The following ROBO2 variants were observed in gnomAD, a reference collection of about 807,000 sequenced individuals.
ROBO2 encodes roundabout homolog 2.
In ROBO2, 53 loss-of-function variants were observed where a neutral mutation model predicts 160.8. That is an observed-to-expected ratio of 0.33 (90% CI 0.26 to 0.41). The LOEUF is 0.41. Ranked by LOEUF, ROBO2 falls within the 10% of genes least tolerant of loss-of-function variation. The probability of loss-of-function intolerance (pLI) is 1.00; values close to 1 mark genes in which losing one functional copy is unlikely to be tolerated. For synonymous variants in ROBO2, 664 were observed against 611.7 expected, an observed-to-expected ratio of 1.09 and a Z score of -1.26; for missense variants, 1,577 against 1,722.4, an observed-to-expected ratio of 0.92 and a Z score of 1.49.
intron 2 of ROBO2, among the ~76,000 whole-genome samples, chr3:76,504,257 C>T (rs1048820810): frequency 6.6e-6 from 1 of 152,184 alleles, no homozygotes; most frequent in African/African-American, 2.4e-5. Context: ...CAGTTGTACA[C>T]TTTCATGAGT....
chr3:76,568,611 G>A (rs573012965), intron 2 of ROBO2, among the ~76,000 whole-genome samples: 1 of 152,066 alleles, frequency 6.6e-6, no homozygotes, highest in Non-Finnish European at 1.5e-5. Context: ...TGGCCACATT[G>A]CTTTTCTTAA....
Position 76,555,253 on chromosome 3 carries a change from AG to A in ROBO2, c.110-542758del, listed in dbSNP as rs200184850. On this transcript the variant is annotated intron_variant, in intron 2 of 26. Coordinates refer to the ROBO2 transcript ENST00000487694. Reference sequence around the variant, plus strand: ...AGCATTTTTTAATAATAACATGTGCAGGGATCATAAATTATCCAAAGTTAGA... The same window carrying A: ...AGCATTTTTTAATAATAACATGTGCAGGATCATAAATTATCCAAAGTTAGA... Among the ~76,000 whole-genome samples the A allele has an allele frequency of 2.6e-3, 397 of 151,944 alleles. 4 individuals carry two copies. In the East Asian group the frequency reaches 0.045, roughly 17 times the overall value.
chr3:76,386,895 G>A (rs2076918292), intron 2 of ROBO2, among the ~76,000 whole-genome samples: 1 of 152,126 alleles, frequency 6.6e-6, no homozygotes, highest in Non-Finnish European at 1.5e-5. Context: ...GAGGTTATGA[G>A]TACTAGAATA....
chr3:77,332,449 C>A (rs2153443559), intron 2 of ROBO2, among the ~76,000 whole-genome samples: 1 of 152,216 alleles, frequency 6.6e-6, no homozygotes, highest in East Asian at 1.9e-4. Flanking sequence ...TCTGGAAATG[C>A]ACTTTGTAGA....
At chr3:77,565,248 C>T (rs2093445781) in intron 12 of ROBO2, 128 bp downstream of exon 13, 3 of 1,094,380 alleles carry the variant, frequency 2.7e-6, no homozygotes, top group Non-Finnish European at 4.2e-6. Context: ...AGGCTTTATC[C>T]AGGGAAGGAG....
In ROBO2 at chr3:76,323,266, T is replaced by C. The variant is rs532841030; in HGVS notation, c.109+385664T>C. Among the ~76,000 whole-genome samples the C allele has an allele frequency of 6.0e-4, 91 of 152,226 alleles. 1 individual carries two copies. Among genetic ancestry groups the C allele is most frequent in the South Asian group, 2.3e-3 (11 of 4,832 alleles). On this transcript the variant is annotated intron_variant, in intron 2 of 26. Coordinates refer to the ROBO2 transcript ENST00000487694. ...TTCCAAGTATAATCTTATTTAATCCTGTGTCTCTATATTAAGCACTACTTT... is the reference window on the plus strand; with the variant it reads ...TTCCAAGTATAATCTTATTTAATCCCGTGTCTCTATATTAAGCACTACTTT...
rs184145843 is a variant in ROBO2 at position 76,197,921 on chromosome 3, A to G, written c.109+260319A>G. Reference sequence around the variant, plus strand: ...CAATATAAGTATCCTGGTTTTACCTATGATGACCACTGCAGTTTTGACTTC... The same window carrying G: ...CAATATAAGTATCCTGGTTTTACCTGTGATGACCACTGCAGTTTTGACTTC... On this transcript the variant is annotated intron_variant, in intron 2 of 26. Transcript: ENST00000487694. Among the ~76,000 whole-genome samples, 112 of 152,328 alleles carry G rather than the reference A, an allele frequency of 7.4e-4. 2 individuals carry two copies. Among genetic ancestry groups the G allele is most frequent in the Admixed American group, 2.4e-3 (36 of 15,286 alleles).
intron 2 of ROBO2, among the ~76,000 whole-genome samples, chr3:76,382,872 G>A (rs2076706037): frequency 6.6e-6 from 1 of 152,156 alleles, no homozygotes; most frequent in Non-Finnish European, 1.5e-5. Context: ...TTCAAGGGTG[G>A]TTCAGCTTCT....
intron 2 of ROBO2, among the ~76,000 whole-genome samples, chr3:76,426,419 G>C (rs911944958): frequency 1.3e-5 from 2 of 152,096 alleles, no homozygotes; most frequent in Non-Finnish European, 2.9e-5. Context: ...TGGAAATATG[G>C]AAAGAATACA....
At chr3:76,950,435 T>C (rs2078888658) in intron 2 of ROBO2, among the ~76,000 whole-genome samples, 1 of 152,210 alleles carries the variant, frequency 6.6e-6, no homozygotes. Flanking sequence ...TCTAGGACAG[T>C]CATTCTTATT....
chr3:76,525,589 T>G (rs2107968398), intron 2 of ROBO2, among the ~76,000 whole-genome samples: 1 of 152,126 alleles, frequency 6.6e-6, no homozygotes, highest in South Asian at 2.1e-4. Flanking sequence ...CTTGAAATGT[T>G]TTCTCAACCA....
At chr3:76,434,787 C>T in intron 2 of ROBO2, 1 of 1,317,078 alleles carries the variant, frequency 7.6e-7, no homozygotes, top group Non-Finnish European at 1.1e-6. Flanking sequence ...GCAGATTAAT[C>T]AGGGGGAGAG....
At chr3:77,054,729 A>G (rs2065552082) in intron 1 of ROBO2, among the ~76,000 whole-genome samples, 1 of 152,144 alleles carries the variant, frequency 6.6e-6, no homozygotes, top group African/African-American at 2.4e-5. Context: ...AGAAGTAAAA[A>G]CAAGTTAAGA....
At chr3:77,209,464 A>G (rs968273312) in intron 2 of ROBO2, among the ~76,000 whole-genome samples, 1 of 152,208 alleles carries the variant, frequency 6.6e-6, no homozygotes, top group African/African-American at 2.4e-5. Flanking sequence ...AATGGCAATA[A>G]ACATAATTCA....
At chr3:77,457,558 A>T (rs142499680) in intron 2 of ROBO2, among the ~76,000 whole-genome samples, 1 of 152,126 alleles carries the variant, frequency 6.6e-6, no homozygotes, top group Admixed American at 6.5e-5. Context: ...CTTGATCGGT[A>T]TTATATTAGA....
At chr3:77,328,705 T>A (rs182536398) in intron 2 of ROBO2, among the ~76,000 whole-genome samples, 4 of 152,280 alleles carry the variant, frequency 2.6e-5, no homozygotes, top group Admixed American at 2.6e-4. Flanking sequence ...CCTGTTAATG[T>A]TTCACAACAC....
chr3:76,292,971 T>C (rs1324163490), intron 2 of ROBO2, among the ~76,000 whole-genome samples: 2 of 151,992 alleles, frequency 1.3e-5, no homozygotes, highest in Non-Finnish European at 2.9e-5. Context: ...GGGTTTTTTT[T>C]TTTTTAAATA....
chr3:77,588,973 A>G (rs1458078818), intron 17 of ROBO2, 40 bp downstream of exon 18: 1 of 1,605,802 alleles, frequency 6.2e-7, no homozygotes, highest in South Asian at 1.1e-5. Flanking sequence ...TCTTGTCTGT[A>G]GGAATGTAAT....
rs139015781 is a variant in ROBO2, at chr3:77,571,062, T to C, written c.1971+2628T>C. On this transcript the variant is annotated intron_variant, in intron 13 of 25. Coordinates refer to ENST00000461745, the Ensembl canonical transcript of ROBO2. ...CAATAAGTCACTTACCGAAAAATGATTATTCTAGCTTTACTTTTTGTCTTT... is the reference window on the plus strand; with the variant it reads ...CAATAAGTCACTTACCGAAAAATGACTATTCTAGCTTTACTTTTTGTCTTT... 1.2e-4 allele frequency among the ~76,000 whole-genome samples: 18 copies of C among 152,136 alleles called. No individual in the cohort carries two copies. In the East Asian group the frequency reaches 3.5e-3, roughly 29 times the overall value.
Sources: allele counts gnomAD v4.1 joint callset (sites outside exome capture counted in the v4.1 genomes callset), GRCh38; gene constraint gnomAD v4.1.1; transcripts MANE v1.5; gene names NCBI Gene and HGNC (gene_info 2026-07-23, HGNC 2026-07-21).